Variants in TAFA1 observed in about 807,000 individuals in gnomAD.
TAFA1 encodes chemokine-like protein TAFA-1.
In TAFA1, 4 loss-of-function variants were observed where a neutral mutation model predicts 18.5. That is an observed-to-expected ratio of 0.22 (90% CI 0.11 to 0.49). TAFA1 has a LOEUF of 0.49. Ranked by LOEUF, TAFA1 falls within the 20% of genes least tolerant of loss-of-function variation. The pLI, the probability that TAFA1 is intolerant of heterozygous loss-of-function variation, is 0.98. For synonymous variants in TAFA1, 56 were observed against 55.2 expected (o/e 1.01, Z -0.06); for missense variants, 147 against 169.0 (o/e 0.87, Z 0.72).
chr3:68,079,446 A>C (rs949701951), intron 2 of TAFA1, among the ~76,000 whole-genome samples: 2 of 152,044 alleles, frequency 1.3e-5, no homozygotes, highest in African/African-American at 4.8e-5. Context: ...TCTTATGGGC[A>C]TTTAATGCTA....
chr3:68,481,675 T>C (rs535021920), intron 3 of TAFA1, among the ~76,000 whole-genome samples: 1 of 152,330 alleles, frequency 6.6e-6, no homozygotes, highest in Non-Finnish European at 1.5e-5. Context: ...TGTTAATTTA[T>C]ATAAAGCAGA....
At chr3:68,293,513 C>A (rs564813926) in intron 2 of TAFA1, among the ~76,000 whole-genome samples, 4 of 152,288 alleles carry the variant, frequency 2.6e-5, no homozygotes, top group Middle Eastern at 6.8e-3. Flanking sequence ...GACTCAAACC[C>A]TATTGTCACT....
chr3:68,219,423 A>AAAGG (rs1218607383), intron 2 of TAFA1, among the ~76,000 whole-genome samples: 1 of 152,126 alleles, frequency 6.6e-6, no homozygotes. Context: ...GCACTCTGTT[A>AAAGG]CCCTATCTTT....
intron 2 of TAFA1, among the ~76,000 whole-genome samples, chr3:68,262,639 T>C (rs1190338223): frequency 6.6e-6 from 1 of 152,086 alleles, no homozygotes; most frequent in Non-Finnish European, 1.5e-5. Flanking sequence ...TGTGTAGTAT[T>C]CCATGGTATA....
At chr3:68,502,176 T>C (rs1266315745) in intron 3 of TAFA1, among the ~76,000 whole-genome samples, 1 of 152,184 alleles carries the variant, frequency 6.6e-6, no homozygotes, top group African/African-American at 2.4e-5. Context: ...AATCATGATA[T>C]AATGGTTGCT....
chr3:68,417,317 T>C lies in TAFA1; in HGVS notation c.156T>C (p.Cys52=). The change falls in exon 3 of 5, where the codon TGT becomes TGC. Residue 52 remains cysteine (C), a synonymous_variant. Transcript: ENST00000478136. ...GTGAAGTGATAGCAGCACACCGATG[T>C]TGTAACAAGAATCGCATTGAGGAGC... is the stretch of plus-strand genomic sequence containing the variant. The part of the protein sequence containing the change: ...GTCEVIAAHR[C]CNKNRIEERS... The C allele has an allele frequency of 1.2e-6, 2 of 1,613,508 alleles. No individual in the cohort carries two copies. The highest frequency in any genetic ancestry group is 1.3e-5 in the African/African-American group (1 of 75,008).
At chr3:68,473,458 C>G (rs1429350810) in intron 3 of TAFA1, among the ~76,000 whole-genome samples, 1 of 152,130 alleles carries the variant, frequency 6.6e-6, no homozygotes, top group South Asian at 2.1e-4. Context: ...CTTGTCTTAA[C>G]TTTCCAGTCT....
chr3:68,224,108 G>C (rs897688922), intron 2 of TAFA1, among the ~76,000 whole-genome samples: 5 of 151,628 alleles, frequency 3.3e-5, no homozygotes, highest in African/African-American at 1.2e-4. Flanking sequence ...ATGTTTTCTG[G>C]TTTGCTTCTC....
intron 3 of TAFA1, among the ~76,000 whole-genome samples, chr3:68,514,730 AC>A (rs1559700986): frequency 1.3e-5 from 2 of 151,046 alleles, no homozygotes; most frequent in East Asian, 3.9e-4. Flanking sequence ...AAAAAAAAAA[AC>A]GTTTTTTCCC....
At chr3:68,343,766 A>T (rs925245974) in intron 2 of TAFA1, among the ~76,000 whole-genome samples, 2 of 152,184 alleles carry the variant, frequency 1.3e-5, no homozygotes, top group African/African-American at 2.4e-5. Context: ...AGCTTGACCC[A>T]TATGAAAATC....
At chr3:68,062,907 G>A (rs972931288) in intron 2 of TAFA1, among the ~76,000 whole-genome samples, 2 of 152,190 alleles carry the variant, frequency 1.3e-5, no homozygotes, top group African/African-American at 2.4e-5. Context: ...TTAGCTAAAA[G>A]CACTAGTTTT....
At chr3:68,360,004 A>T (rs2069440478) in intron 2 of TAFA1, among the ~76,000 whole-genome samples, 1 of 151,964 alleles carries the variant, frequency 6.6e-6, no homozygotes, top group East Asian at 1.9e-4. Flanking sequence ...CCATTCTGTT[A>T]CTGTATGTTT....
At chr3:68,515,004 G>A (rs1382375641) in intron 3 of TAFA1, among the ~76,000 whole-genome samples, 1 of 152,140 alleles carries the variant, frequency 6.6e-6, no homozygotes, top group Non-Finnish European at 1.5e-5. Context: ...AACTACTCAT[G>A]GACAGAGGTC....
chr3:68,384,117 T>C (rs1249260990), intron 2 of TAFA1, among the ~76,000 whole-genome samples: 1 of 152,078 alleles, frequency 6.6e-6, no homozygotes, highest in Non-Finnish European at 1.5e-5. Context: ...TTATTAATTT[T>C]CTCAAAAAAT....
intron 2 of TAFA1, among the ~76,000 whole-genome samples, chr3:68,301,371 T>C (rs576323137): frequency 6.6e-6 from 1 of 152,338 alleles, no homozygotes; most frequent in South Asian, 2.1e-4. Flanking sequence ...CCTAATTCTT[T>C]TTATAGGTGC....
intron 2 of TAFA1, among the ~76,000 whole-genome samples, chr3:68,298,335 T>A (rs886723490): frequency 6.6e-6 from 1 of 152,112 alleles, no homozygotes; most frequent in Non-Finnish European, 1.5e-5. Flanking sequence ...GAAGAGACTA[T>A]AAATAACCAT....
chr3:68,236,647 C>T (rs2066931064), intron 2 of TAFA1, among the ~76,000 whole-genome samples: 1 of 152,200 alleles, frequency 6.6e-6, no homozygotes, highest in Non-Finnish European at 1.5e-5. Context: ...TGCAGTCTTT[C>T]ATATTCAGAG....
chr3:68,470,151 T>G (rs2071970438), intron 3 of TAFA1, among the ~76,000 whole-genome samples: 2 of 152,226 alleles, frequency 1.3e-5, no homozygotes, highest in African/African-American at 4.8e-5. Context: ...GAAGTTTTCC[T>G]GCACAAGCTC....
chr3:68,126,321 C>T lies in TAFA1; in HGVS notation c.118+119577C>T, dbSNP rs535309219. On this transcript the variant is annotated intron_variant, in intron 2 of 4. Coordinates refer to ENST00000478136, the MANE Select transcript of TAFA1 (RefSeq NM_213609.4). ...CATGAGTGAATTAATAAACATGCTTCCTGGAACTTGATAATGAGAAGATCA... is the reference window on the plus strand; with the variant it reads ...CATGAGTGAATTAATAAACATGCTTTCTGGAACTTGATAATGAGAAGATCA... Among the ~76,000 whole-genome samples, 20 of 152,268 alleles carry T rather than the reference C, an allele frequency of 1.3e-4. 1 individual carries two copies. In the South Asian group the frequency reaches 3.9e-3, roughly 30 times the overall value.
Sources: allele counts gnomAD v4.1 joint callset (sites outside exome capture counted in the v4.1 genomes callset), GRCh38; gene constraint gnomAD v4.1.1; transcripts MANE v1.5; gene names NCBI Gene and HGNC (gene_info 2026-07-23, HGNC 2026-07-21).